The following KHDC4 variants were observed in gnomAD, a reference collection of about 807,000 sequenced individuals.
The protein encoded by KHDC4 is KH domain containing 4, pre-mRNA splicing factor.
KHDC4 carries 19 observed loss-of-function variants against 74.5 expected under a neutral mutation model. The observed-to-expected ratio is 0.26, with a 90% CI of 0.18 to 0.37. The LOEUF is 0.37. Among genes scored for constraint, KHDC4 ranks in the 10% least tolerant of loss-of-function variants. KHDC4 has a pLI of 1.00. For synonymous variants in KHDC4, 253 were observed against 266.1 expected (o/e 0.95, Z 0.48); for missense variants, 632 against 754.1 (o/e 0.84, Z 1.90).
At chr1:155,924,692 G>A (rs1673945338) in intron 7 of KHDC4, among the ~76,000 whole-genome samples, 1 of 150,440 alleles carries the variant, frequency 6.6e-6, no homozygotes, top group Non-Finnish European at 1.5e-5. Context: ...TCCTACCTCA[G>A]CCTGCTGAAT....
intron 5 of KHDC4, 99 bp downstream of exon 5, chr1:155,927,005 G>T: frequency 1.5e-6 from 2 of 1,344,842 alleles, no homozygotes; most frequent in Non-Finnish European, 2.1e-6. Flanking sequence ...ATGAACAAGG[G>T]TTAGAACAGC....
rs1485329228 is a variant in KHDC4, at chr1:155,915,820, G to T, written c.1645+53C>A. ...CTGCGCCCGGCTGAGAAAACTAATA[G>T]CTTTAGACCAGTCTTAGCCACTCCC... On this transcript the variant is annotated intron_variant, in intron 13 of 13. Coordinates refer to ENST00000368321, the MANE Select transcript of KHDC4 (RefSeq NM_014949.4). 3 of 1,204,804 alleles carry T rather than the reference G, an allele frequency of 2.5e-6. No homozygotes were observed. In the Admixed American group the frequency reaches 6.8e-5, roughly 27 times the overall value. The allele number at this position is 1,204,804 out of a possible 1,614,324, so 74.6% of individuals were successfully genotyped here.
In KHDC4 at chr1:155,923,675, T is replaced by C; in HGVS notation, c.906A>G (p.Pro302=). The part of the protein sequence containing the change: ...PMYIYISHPK[P]EGLAAAKKLC... The stretch of plus-strand genomic sequence containing the variant: ...GCTTCTTGGCAGCAGCCAGGCCTTC[T>C]GGTTTGGGGTGACTGCAAAGAAATA... The change falls in exon 8 of 14, where the codon CCA becomes CCG. Residue 302 remains proline, a synonymous_variant. Transcript: ENST00000368321. 1.2e-6 allele frequency: 2 copies of C among 1,613,384 alleles called. No individual in the cohort carries two copies. Among genetic ancestry groups the C allele is most frequent in the Non-Finnish European group, 1.7e-6 (2 of 1,179,322 alleles).
rs779912969 is a variant in KHDC4 at position 155,914,114 on chromosome 1, C to T, written c.*7G>A. On this transcript the variant is annotated 3_prime_UTR_variant, in exon 14 of 14. Coordinates refer to ENST00000368321, the MANE Select transcript of KHDC4 (RefSeq NM_014949.4). ...CACTGAGGGTCAAAACTCTGTTCCACTGTTTCCTAGGGAGCCATCCAGAAT... is the reference window on the plus strand; with the variant it reads ...CACTGAGGGTCAAAACTCTGTTCCATTGTTTCCTAGGGAGCCATCCAGAAT... The T allele has an allele frequency of 5.6e-6, 9 of 1,611,578 alleles. 1 individual carries two copies. The South Asian group carries it at 9.9e-5, about 18-fold the overall frequency.
intron 8 of KHDC4, 55 bp from the exon 9 acceptor site, chr1:155,921,973 A>G: frequency 8.9e-7 from 1 of 1,119,092 alleles, no homozygotes; most frequent in Non-Finnish European, 1.3e-6. Context: ...GTGCATTTAC[A>G]AGGGTCTGAT....
Position 155,913,777 on chromosome 1 carries a change from G to T in KHDC4, c.*344C>A. ...AAAATACAAATAAAACTTTCTTTATGTCAGAACTGGGGCTATTCACCTGGA... is the reference window on the plus strand; with the variant it reads ...AAAATACAAATAAAACTTTCTTTATTTCAGAACTGGGGCTATTCACCTGGA... On this transcript the variant is annotated 3_prime_UTR_variant, in exon 14 of 14. Coordinates refer to ENST00000368321, the MANE Select transcript of KHDC4 (RefSeq NM_014949.4). The T allele has an allele frequency of 4.7e-6, 1 of 214,308 alleles. No individual in the cohort carries two copies. The highest frequency in any genetic ancestry group is 1.1e-4 in the East Asian group (1 of 9,084). The allele number at this position is 214,308 out of a possible 1,614,324, so 13.3% of individuals were successfully genotyped here. A position where few individuals can be genotyped will look rare whatever the true frequency, so the allele number is the denominator to read the frequency against.
rs1213718424 is a variant in KHDC4, at chr1:155,926,827, C to T, written c.530G>A (p.Arg177Gln). The T allele has an allele frequency of 5.0e-6, 8 of 1,614,090 alleles. No individual in the cohort carries two copies. The highest frequency in any genetic ancestry group is 5.9e-6 in the Non-Finnish European group (7 of 1,180,014). Residue 177 changes from arginine to glutamine, a missense_variant, in exon 6 of 14, where the codon CGG becomes CAG. Around this residue, in one of 4 missense-constraint regions of KHDC4, gnomAD observed 233 missense variants for 342.6 expected, o/e 0.68. Transcript: ENST00000368321. ...TRELVDRAVN[R>Q]IKEIITNGVV... ...TCCATTGGTGATAATTTCTTTGATCCGGTTTACAGCTCCTTAGAAAAACAC... is the reference window on the plus strand; with the variant it reads ...TCCATTGGTGATAATTTCTTTGATCTGGTTTACAGCTCCTTAGAAAAACAC...
chr1:155,917,886 G>A (rs1673767527), intron 10 of KHDC4, among the ~76,000 whole-genome samples: 1 of 152,090 alleles, frequency 6.6e-6, no homozygotes, highest in Admixed American at 6.6e-5. Flanking sequence ...CCTATATACA[G>A]TGCTTTGAAC....
chr1:155,929,405 T>C (rs201266722), intron 3 of KHDC4, 30 bp from the exon 4 acceptor site: 5 of 1,559,976 alleles, frequency 3.2e-6, no homozygotes, highest in Middle Eastern at 1.7e-4. Context: ...ATTAAAAAAA[T>C]GTGGCAATTG....
chr1:155,917,042 A>G (rs1220461115), intron 11 of KHDC4: 1 of 255,802 alleles, frequency 3.9e-6, no homozygotes, highest in Non-Finnish European at 7.4e-6. Context: ...GCTTTGGTTT[A>G]AAGAATGATT....
At chr1:155,919,611 C>T (rs1362151594) in intron 10 of KHDC4, among the ~76,000 whole-genome samples, 8 of 151,856 alleles carry the variant, frequency 5.3e-5, no homozygotes, top group African/African-American at 1.9e-4. Flanking sequence ...GAGATCAAGA[C>T]CATCCTGGCT....
chr1:155,927,840 A>C (rs1200134905), intron 4 of KHDC4, among the ~76,000 whole-genome samples: 2 of 16,016 alleles, frequency 1.2e-4, no homozygotes, highest in African/African-American at 2.3e-4. Context: ...AACCACACAC[A>C]CACACACACA....
At chr1:155,916,846 G>A (rs1303020328) in intron 11 of KHDC4, 109 bp from the exon 12 acceptor site, 14 of 702,388 alleles carry the variant, frequency 2.0e-5, no homozygotes, top group African/African-American at 3.6e-5. Flanking sequence ...GTTGTAGTAC[G>A]TTAAACTACT....
chr1:155,933,764 C>G lies in KHDC4; in HGVS notation c.124G>C (p.Gly42Arg), dbSNP rs754387493. Residue 42 changes from glycine (G) to arginine (R), a missense_variant, in exon 2 of 14, where the codon GGG becomes CGG. This residue lies in a region of KHDC4 where 104 missense variants were observed against 78.1 expected (regional missense o/e 1.33). Transcript: ENST00000368321. Reference protein sequence around the residue: ...AAPGGEVTSSGGSPGGTTAAP... With the variant: ...AAPGGEVTSSRGSPGGTTAAP... The stretch of plus-strand genomic sequence containing the variant: ...GCTGTGGTGCCCCCAGGACTTCCCC[C>G]ACTGCTGGTGACCTCCCCACCTGGG... 5 of 1,602,516 alleles carry G rather than the reference C, an allele frequency of 3.1e-6. No homozygotes were observed. The highest frequency in any genetic ancestry group is 4.3e-6 in the Non-Finnish European group (5 of 1,173,626).
intron 7 of KHDC4, 130 bp downstream of exon 7, chr1:155,925,502 T>TTTATAATTA (rs1673970057): frequency 2.8e-6 from 2 of 723,590 alleles, no homozygotes; most frequent in African/African-American, 3.5e-5. Context: ...AAGTAATTAC[T>TTTATAATTA]CCTAGCATTT....
chr1:155,921,629 C>T lies in KHDC4; in HGVS notation c.1013-1G>A. 1 of 1,606,478 alleles carries T rather than the reference C, an allele frequency of 6.2e-7. No individual in the cohort carries two copies. Among genetic ancestry groups the T allele is most frequent in the Non-Finnish European group, 8.5e-7 (1 of 1,174,000 alleles). On this transcript the variant is annotated splice_acceptor_variant, in intron 9 of 13. Transcript: ENST00000368321. LOFTEE classifies it high-confidence loss of function. ...CTTATAGCAGAGGGTTGTGTATAGC[C>T]TGAGGGGGAAGAAAAAAAGTGTTTA... is the stretch of plus-strand genomic sequence containing the variant.
At chr1:155,933,968 C>T in intron 1 of KHDC4, 119 bp from the exon 2 acceptor site, 1 of 791,082 alleles carries the variant, frequency 1.3e-6, no homozygotes, top group Non-Finnish European at 1.9e-6. Flanking sequence ...CTCCGAATCA[C>T]CTTCCAAATC....
intron 8 of KHDC4, among the ~76,000 whole-genome samples, chr1:155,922,981 G>A (rs1372799648): frequency 6.6e-6 from 1 of 152,060 alleles, no homozygotes; most frequent in Non-Finnish European, 1.5e-5. Flanking sequence ...CGAGGCAGGC[G>A]GATCACGAGG....
At chr1:155,921,781 C>T in intron 9 of KHDC4, 80 bp downstream of exon 9, 2 of 1,402,966 alleles carry the variant, frequency 1.4e-6, no homozygotes, top group Non-Finnish European at 2.0e-6. Context: ...AGTGCCCTGG[C>T]ACAGTCTAGC....
Sources: gnomAD v4.1 joint callset for allele counts (sites outside exome capture counted in the v4.1 genomes callset) on GRCh38, gnomAD v4.1.1 for gene constraint, gnomAD v4.1.1 regional missense constraint, MANE v1.5 for transcripts, NCBI Gene and HGNC (gene_info 2026-07-23, HGNC 2026-07-21) for gene names.